Variants in TRPM8 observed in about 807,000 individuals in gnomAD.
The protein encoded by TRPM8 is TRPM8 cationic channel.
In TRPM8, 110 loss-of-function variants were observed where a neutral mutation model predicts 133.7. The observed-to-expected ratio is 0.82, with a 90% CI of 0.70 to 0.96. TRPM8 has a LOEUF of 0.96. TRPM8 is among the 40% of genes least tolerant of loss of function. TRPM8 has a pLI of 0.00. For missense variants in TRPM8, 1,291 were observed against 1,379.5 expected, an observed-to-expected ratio of 0.94 and a Z score of 1.02; for synonymous variants, 535 against 532.3, an observed-to-expected ratio of 1.01 and a Z score of -0.07.
chr2:233,979,890 G>A (rs367644738), intron 17 of TRPM8, among the ~76,000 whole-genome samples: 4 of 152,096 alleles, frequency 2.6e-5, no homozygotes, highest in East Asian at 3.9e-4. Flanking sequence ...ATCTGCCTAC[G>A]GAGGGTGTAC....
At chr2:233,991,027 C>G (rs1255218955) in intron 21 of TRPM8, among the ~76,000 whole-genome samples, 1 of 152,010 alleles carries the variant, frequency 6.6e-6, no homozygotes, top group Non-Finnish European at 1.5e-5. Flanking sequence ...GCAGCAGCAG[C>G]TAGGTGGAGG....
At position 233,970,272 on chromosome 2, in the gene TRPM8, C is replaced by G. The variant is rs757068370; in HGVS notation, c.2201C>G (p.Pro734Arg). 7 of 1,614,068 alleles carry G rather than the reference C, an allele frequency of 4.3e-6. No homozygotes were observed. Among genetic ancestry groups the G allele is most frequent in the African/African-American group, 2.7e-5 (2 of 74,908 alleles). The change falls in exon 17 of 26, where the codon CCC (proline) becomes CGC (arginine). Residue 734 changes from proline (P) to arginine (R), a missense_variant. Around this residue, in one of 2 missense-constraint regions of TRPM8, gnomAD observed 963 missense variants for 968.9 expected, o/e 0.99. Transcript: ENST00000324695. The part of the protein sequence containing the change: ...LWYYVAFFTS[P>R]FVVFSWNVVF... ...TACTATGTGGCGTTCTTCACCTCCC[C>G]CTTCGTGGTCTTCTCCTGGAATGTG... is the stretch of plus-strand genomic sequence containing the variant.
At chr2:233,976,553 G>T (rs992627083) in intron 17 of TRPM8, among the ~76,000 whole-genome samples, 2 of 152,142 alleles carry the variant, frequency 1.3e-5, no homozygotes, top group Non-Finnish European at 1.5e-5. Flanking sequence ...GAGGAAGGGT[G>T]GGGGTCTGGC....
At chr2:234,005,420 G>A (rs944537342) in intron 22 of TRPM8, among the ~76,000 whole-genome samples, 1 of 152,084 alleles carries the variant, frequency 6.6e-6, no homozygotes, top group Non-Finnish European at 1.5e-5. Flanking sequence ...CTCTCTGGCT[G>A]TCTGTGTCCA....
At chr2:233,983,366 C>G (rs1462623724) in intron 20 of TRPM8, 142 bp downstream of exon 20, 1 of 872,982 alleles carries the variant, frequency 1.1e-6, no homozygotes, top group Admixed American at 2.1e-5. Flanking sequence ...AAACTCACTC[C>G]TCAAAACCTC....
At chr2:233,953,489 T>G (rs1691219462) in intron 9 of TRPM8, among the ~76,000 whole-genome samples, 2 of 152,264 alleles carry the variant, frequency 1.3e-5, no homozygotes, top group East Asian at 3.8e-4. Flanking sequence ...TTCTCCAGTT[T>G]CCAAGCCTTC....
chr2:233,959,261 G>C (rs1175609082), intron 11 of TRPM8, among the ~76,000 whole-genome samples: 1 of 151,710 alleles, frequency 6.6e-6, no homozygotes, highest in Non-Finnish European at 1.5e-5. Context: ...CCTGACCTCA[G>C]GTGATCCACC....
intron 9 of TRPM8, 71 bp downstream of exon 9, chr2:233,950,217 A>G (rs2125129573): frequency 1.4e-6 from 2 of 1,438,342 alleles, no homozygotes; most frequent in South Asian, 2.5e-5. Flanking sequence ...AATGCCTTAA[A>G]CGCCCAACTC....
intron 24 of TRPM8, 135 bp downstream of exon 24, chr2:234,008,238 G>A: frequency 1.1e-6 from 1 of 872,654 alleles, no homozygotes; most frequent in Non-Finnish European, 1.7e-6. Flanking sequence ...TAAGAGCAGG[G>A]TGCTGGAATG....
intron 1 of TRPM8, among the ~76,000 whole-genome samples, chr2:233,922,685 G>T (rs776909539): frequency 7.9e-5 from 12 of 151,854 alleles, no homozygotes; most frequent in Non-Finnish European, 1.8e-4. Flanking sequence ...TCTTTCTACT[G>T]CCCTCACAGC....
chr2:233,979,169 T>C (rs1300103888), intron 17 of TRPM8, among the ~76,000 whole-genome samples: 1 of 152,214 alleles, frequency 6.6e-6, no homozygotes, highest in East Asian at 1.9e-4. Context: ...AGTGCCCTCT[T>C]GCTTTGGTGA....
intron 22 of TRPM8, among the ~76,000 whole-genome samples, chr2:233,999,646 C>G (rs1036843821): frequency 6.6e-6 from 1 of 152,100 alleles, no homozygotes; most frequent in Non-Finnish European, 1.5e-5. Flanking sequence ...TCTCACTGCC[C>G]GTCCTACTCC....
chr2:233,944,970 A>G (rs987570155), intron 6 of TRPM8, among the ~76,000 whole-genome samples: 3 of 152,210 alleles, frequency 2.0e-5, no homozygotes, highest in Admixed American at 6.5e-5. Flanking sequence ...CTTAATGCAC[A>G]TATCTAGTTA....
intron 4 of TRPM8, 88 bp from the exon 5 acceptor site, chr2:233,938,910 C>G: frequency 2.1e-6 from 3 of 1,438,382 alleles, no homozygotes; most frequent in Non-Finnish European, 2.9e-6. Flanking sequence ...AGCAGGCAAG[C>G]GTGGGCTTGG....
intron 1 of TRPM8, among the ~76,000 whole-genome samples, chr2:233,922,648 C>T (rs1691433480): frequency 6.6e-6 from 1 of 152,048 alleles, no homozygotes; most frequent in Non-Finnish European, 1.5e-5. Context: ...GAGTGTTTGC[C>T]TTCCTTGTTC....
In TRPM8 at chr2:233,970,369, C is replaced by A; in HGVS notation, c.2298C>A (p.Pro766=). The change falls in exon 17 of 26, where the codon CCC becomes CCA. Residue 766 remains proline, a synonymous_variant. Coordinates refer to ENST00000324695, the MANE Select transcript of TRPM8 (RefSeq NM_024080.5). ...LLMDFHSVPH[P]PELVLYSLVF... is the part of the protein sequence containing the mutation. ...TGGATTTCCATTCGGTGCCACACCC[C>A]CCCGAGCTGGTCCTGTACTCGCTGG... The A allele has an allele frequency of 6.2e-7, 1 of 1,614,160 alleles. No homozygotes were observed. The highest frequency in any genetic ancestry group is 8.5e-7 in the Non-Finnish European group (1 of 1,180,040).
rs190583531 is a variant in TRPM8 at position 234,017,375 on chromosome 2, G to A, written c.*119G>A. The A allele has an allele frequency of 1.5e-4, 70 of 471,212 alleles. No homozygotes were observed. The highest frequency in any genetic ancestry group is 8.9e-4 in the Admixed American group (38 of 42,572). 29.2% of individuals were successfully genotyped at this position (471,212 alleles called of 1,614,324 possible). Reference sequence around the variant, plus strand: ...AGATTTTCAGACCCCTGGGTACATGGTGGATGATTTTAAATCACCCTAGTG... The same window carrying A: ...AGATTTTCAGACCCCTGGGTACATGATGGATGATTTTAAATCACCCTAGTG... On this transcript the variant is annotated 3_prime_UTR_variant, in exon 26 of 26. Coordinates refer to ENST00000324695, the MANE Select transcript of TRPM8 (RefSeq NM_024080.5).
At chr2:233,982,000 A>G in intron 19 of TRPM8, 85 bp downstream of exon 19, 1 of 1,393,220 alleles carries the variant, frequency 7.2e-7, no homozygotes, top group Non-Finnish European at 9.6e-7. Flanking sequence ...TTTTGTCCTT[A>G]GAACGACTGT....
At position 233,985,730 on chromosome 2, in the gene TRPM8, A is replaced by C. The variant is rs778692324; in HGVS notation, c.2804A>C (p.Glu935Ala). 6.2e-7 allele frequency: 1 copy of C among 1,614,072 alleles called. No homozygotes were observed. Among genetic ancestry groups the C allele is most frequent in the Non-Finnish European group, 8.5e-7 (1 of 1,180,036 alleles). The change falls in exon 21 of 26, where the codon GAG becomes GCG. Residue 935 changes from glutamate (E) to alanine (A), a missense_variant. By Grantham distance (107) the Glu-to-Ala change is moderately radical. This residue lies in a region of TRPM8 where 328 missense variants were observed against 410.6 expected (regional missense o/e 0.80). Coordinates refer to ENST00000324695, the MANE Select transcript of TRPM8 (RefSeq NM_024080.5). ...GCCCACTGCACCTTCACTGGGAATGAGTCCAAGCCACTGTGTGTGGAGCTG... is the reference window on the plus strand; with the variant it reads ...GCCCACTGCACCTTCACTGGGAATGCGTCCAAGCCACTGTGTGTGGAGCTG... ...DFAHCTFTGN[E>A]SKPLCVELDE... is the part of the protein sequence containing the mutation.
Sources: allele counts gnomAD v4.1 joint callset (sites outside exome capture counted in the v4.1 genomes callset), GRCh38; gene constraint gnomAD v4.1.1; regional missense constraint gnomAD v4.1.1; transcripts MANE v1.5; gene names NCBI Gene and HGNC (gene_info 2026-07-23, HGNC 2026-07-21).